Variants in ATP8A1 observed in about 807,000 individuals in gnomAD.
The protein encoded by ATP8A1 is phospholipid-transporting ATPase IA.
Under a neutral mutation model 177.7 loss-of-function variants are expected in ATP8A1, and 90 were observed. The ratio of observed to expected loss-of-function variants is 0.51; its 90% CI spans 0.43 to 0.60. ATP8A1 has a LOEUF of 0.60. Among genes scored for constraint, ATP8A1 ranks in the 20% least tolerant of loss-of-function variants. The pLI is 0.00. For missense variants in ATP8A1, 1,072 were observed against 1,392.8 expected (o/e 0.77, Z 3.67); for synonymous variants, 493 against 485.9 (o/e 1.01, Z -0.19).
At chr4:42,501,312 T>A (rs1723834125) in intron 24 of ATP8A1, among the ~76,000 whole-genome samples, 1 of 152,268 alleles carries the variant, frequency 6.6e-6, no homozygotes, top group Admixed American at 6.5e-5. Flanking sequence ...ATGTGCCATG[T>A]ACTGTGCTAA....
chr4:42,429,802 C>T (rs1020691708), intron 33 of ATP8A1, among the ~76,000 whole-genome samples: 12 of 152,220 alleles, frequency 7.9e-5, no homozygotes, highest in African/African-American at 2.4e-4. Context: ...CTTTCAAAGA[C>T]ATGAAATTCT....
intron 25 of ATP8A1, among the ~76,000 whole-genome samples, chr4:42,472,605 G>A (rs1720558143): frequency 1.3e-5 from 2 of 151,990 alleles, no homozygotes; most frequent in African/African-American, 4.8e-5. Context: ...TTAGCTGAGT[G>A]TGGTGATGTG....
At chr4:42,563,398 G>A (rs1731039512) in intron 15 of ATP8A1, among the ~76,000 whole-genome samples, 1 of 152,216 alleles carries the variant, frequency 6.6e-6, no homozygotes, top group Non-Finnish European at 1.5e-5. Context: ...AAGGCATTTA[G>A]TTTTATAAGA....
At chr4:42,625,450 G>T in intron 3 of ATP8A1, 164 bp downstream of exon 3, 1 of 469,894 alleles carries the variant, frequency 2.1e-6, no homozygotes, top group South Asian at 5.3e-5. Flanking sequence ...GAATCAAAAG[G>T]CTGGAAAAGG....
chr4:42,494,302 G>C (rs887573164), intron 24 of ATP8A1, among the ~76,000 whole-genome samples: 2 of 151,790 alleles, frequency 1.3e-5, no homozygotes, highest in African/African-American at 4.8e-5. Context: ...GTGAAACTCT[G>C]TCTGTACTAA....
rs142867945 is a variant in ATP8A1, at chr4:42,568,002, T to C, written c.1340+1159A>G. On this transcript the variant is annotated intron_variant, in intron 15 of 36. Transcript: ENST00000381668. ...TGTTAATGTTATAGAAAAGCAGATA[T>C]AGTCGAAATTTTAACTACTTCTCAA... 3.5e-3 allele frequency among the ~76,000 whole-genome samples: 529 copies of C among 152,346 alleles called. 6 individuals carry two copies. Among genetic ancestry groups the C allele is most frequent in the African/African-American group, 0.012 (493 of 41,588 alleles).
rs1003549957 is a variant in ATP8A1, at chr4:42,470,013, G to T, written c.2325-4937C>A. 4.6e-5 allele frequency among the ~76,000 whole-genome samples: 7 copies of T among 152,196 alleles called. No homozygotes were observed. The East Asian group carries it at 1.2e-3, about 25-fold the overall frequency. On this transcript the variant is annotated intron_variant, in intron 25 of 36. Transcript: ENST00000381668. Reference sequence around the variant, plus strand: ...ATAAAGGCACTGTTTTCTTCCCTGAGATTGTTTTATTTTAACCATTTGTGG... The same window carrying T: ...ATAAAGGCACTGTTTTCTTCCCTGATATTGTTTTATTTTAACCATTTGTGG...
At chr4:42,531,311 C>T (rs891023081) in intron 20 of ATP8A1, among the ~76,000 whole-genome samples, 1 of 152,248 alleles carries the variant, frequency 6.6e-6, no homozygotes, top group African/African-American at 2.4e-5. Flanking sequence ...AAAACCACAA[C>T]CTGCTGAGGT....
intron 19 of ATP8A1, among the ~76,000 whole-genome samples, chr4:42,544,994 T>C (rs1325421060): frequency 6.6e-6 from 1 of 151,886 alleles, no homozygotes; most frequent in African/African-American, 2.4e-5. Flanking sequence ...ACCCTGTCTC[T>C]ACTAAAAATA....
At chr4:42,451,876 T>G in intron 30 of ATP8A1, 105 bp downstream of exon 30, 2 of 777,404 alleles carry the variant, frequency 2.6e-6, no homozygotes, top group South Asian at 4.8e-5. Flanking sequence ...TTAAGAGAAA[T>G]ATCATACAAT....
chr4:42,607,135 T>C lies in ATP8A1; in HGVS notation c.410-6617A>G, dbSNP rs1735875418. Reference sequence around the variant, plus strand: ...CTGTTCAACACTTGCTGCATGGGCCTGCTGCATCTGCAGTGCTGGTAGGCT... The same window carrying C: ...CTGTTCAACACTTGCTGCATGGGCCCGCTGCATCTGCAGTGCTGGTAGGCT... On this transcript the variant is annotated intron_variant, in intron 5 of 36. Coordinates refer to ENST00000381668, the MANE Select transcript of ATP8A1 (RefSeq NM_006095.2). Among the ~76,000 whole-genome samples, 3 of 152,216 alleles carry C rather than the reference T, an allele frequency of 2.0e-5. No individual in the cohort carries two copies. In the South Asian group the frequency reaches 6.2e-4, roughly 32 times the overall value.
intron 1 of ATP8A1, among the ~76,000 whole-genome samples, chr4:42,633,508 A>G (rs1738959165): frequency 1.3e-5 from 2 of 152,234 alleles, no homozygotes; most frequent in South Asian, 4.1e-4. Context: ...AGGAAATAAG[A>G]TAAGGTCCTC....
chr4:42,559,733 C>T (rs1446170142), intron 15 of ATP8A1, among the ~76,000 whole-genome samples: 1 of 152,070 alleles, frequency 6.6e-6, no homozygotes, highest in Admixed American at 6.5e-5. Flanking sequence ...TGGAGTGCAA[C>T]GGCACAGTCT....
At chr4:42,587,022 C>T (rs1733677662) in intron 8 of ATP8A1, among the ~76,000 whole-genome samples, 1 of 152,154 alleles carries the variant, frequency 6.6e-6, no homozygotes, top group Middle Eastern at 3.2e-3. Context: ...ACATCCCAAC[C>T]CTCCCAAATG....
chr4:42,587,935 T>C (rs1383229152), intron 8 of ATP8A1, among the ~76,000 whole-genome samples: 1 of 152,174 alleles, frequency 6.6e-6, no homozygotes, highest in African/African-American at 2.4e-5. Flanking sequence ...CATGGCAAAG[T>C]CAAATTATAA....
intron 5 of ATP8A1, among the ~76,000 whole-genome samples, chr4:42,613,885 C>A (rs759662621): frequency 5.8e-5 from 7 of 120,948 alleles, no homozygotes; most frequent in Non-Finnish European, 1.4e-4. Flanking sequence ...CGCCTGGCCT[C>A]ATTTTTTTTT....
At chr4:42,420,783 TTTTGAGACAGAGTCTCG>T (rs1367120930) in intron 35 of ATP8A1, among the ~76,000 whole-genome samples, 3 of 151,878 alleles carry the variant, frequency 2.0e-5, no homozygotes, top group East Asian at 3.9e-4. Flanking sequence ...TTTTTTTTTT[TTTTGAGACAGAGTCTCG>T]CTCTGTCACC....
chr4:42,597,738 G>C (rs1445893871), intron 6 of ATP8A1, among the ~76,000 whole-genome samples: 1 of 151,650 alleles, frequency 6.6e-6, no homozygotes, highest in Non-Finnish European at 1.5e-5. Flanking sequence ...TTCTTTTCTT[G>C]GGATAAATTT....
At chr4:42,466,031 C>CAA (rs57949092) in intron 25 of ATP8A1, among the ~76,000 whole-genome samples, 2,061 of 107,726 alleles carry the variant, frequency 0.019, 251 homozygotes, top group African/African-American at 0.055. Context: ...GACTCCGTCT[C>CAA]AAAAAAAAAA....
Sources: allele counts gnomAD v4.1 joint callset (sites outside exome capture counted in the v4.1 genomes callset), GRCh38; gene constraint gnomAD v4.1.1; transcripts MANE v1.5; gene names NCBI Gene and HGNC (gene_info 2026-07-23, HGNC 2026-07-21).